SLC25A48: variants seen among roughly 807,000 people sequenced by gnomAD.
The protein encoded by SLC25A48 is CTC-321K16.1.
Under a neutral mutation model 32.2 loss-of-function variants are expected in SLC25A48, and 29 were observed. That is an observed-to-expected ratio of 0.90 (90% confidence interval 0.67 to 1.23). The LOEUF is 1.23. Ranked by LOEUF, SLC25A48 falls within the 50% of genes most tolerant of loss-of-function variation. SLC25A48 has a pLI of 0.00. For missense variants in SLC25A48, 399 were observed against 422.7 expected (o/e 0.94, Z 0.49); for synonymous variants, 164 against 172.3 (o/e 0.95, Z 0.38).
chr5:135,791,057 CTT>C (rs1393610150), intron 3 of SLC25A48, among the ~76,000 whole-genome samples: 1 of 150,042 alleles, frequency 6.7e-6, no homozygotes, highest in Admixed American at 6.7e-5. Context: ...CTGTGATACT[CTT>C]TGTAATATTT....
chr5:135,771,762 A>C (rs1405724914), intron 3 of SLC25A48, among the ~76,000 whole-genome samples: 2 of 151,212 alleles, frequency 1.3e-5, no homozygotes, highest in Non-Finnish European at 3.0e-5. Context: ...TATTACTTCC[A>C]ATACGGCAGT....
chr5:135,692,313 C>T (rs573849893), intron 3 of SLC25A48, among the ~76,000 whole-genome samples: 2 of 90,642 alleles, frequency 2.2e-5, no homozygotes, highest in African/African-American at 4.3e-5. Flanking sequence ...AGCAAGACCC[C>T]GTCTCAAAAA....
chr5:135,582,833 G>T (rs3763143), intron 1 of SLC25A48, among the ~76,000 whole-genome samples: 12,713 of 152,204 alleles, frequency 0.084, 536 homozygotes, highest in South Asian at 0.15. Flanking sequence ...TCCTCAGTGA[G>T]CCTGGGCTCC....
At chr5:135,764,701 A>G (rs1366933362) in intron 3 of SLC25A48, among the ~76,000 whole-genome samples, 4 of 141,778 alleles carry the variant, frequency 2.8e-5, no homozygotes, top group African/African-American at 1.1e-4. Flanking sequence ...ACAATTCATA[A>G]TATCTGGGGG....
At chr5:135,840,288 G>A (rs1346523518) in intron 1 of SLC25A48, among the ~76,000 whole-genome samples, 1 of 152,194 alleles carries the variant, frequency 6.6e-6, no homozygotes, top group Non-Finnish European at 1.5e-5. Context: ...CATGGAAGCA[G>A]GAGGTAGGTG....
chr5:135,661,134 C>T (rs954930955), intron 3 of SLC25A48, among the ~76,000 whole-genome samples: 2 of 152,176 alleles, frequency 1.3e-5, no homozygotes, highest in Admixed American at 1.3e-4. Flanking sequence ...AGTGCTGCTT[C>T]CTACAGGAAG....
chr5:135,862,798 C>A (rs1244243951), intron 4 of SLC25A48, among the ~76,000 whole-genome samples: 1 of 152,012 alleles, frequency 6.6e-6, no homozygotes, highest in Non-Finnish European at 1.5e-5. Flanking sequence ...GACAAGGGAG[C>A]CTTTGGTTAG....
At chr5:135,693,101 T>G (rs1754182967) in intron 3 of SLC25A48, among the ~76,000 whole-genome samples, 1 of 152,244 alleles carries the variant, frequency 6.6e-6, no homozygotes, top group Admixed American at 6.5e-5. Context: ...TGTTTGATTC[T>G]ATTTGTGAGT....
intron 1 of SLC25A48, among the ~76,000 whole-genome samples, chr5:135,584,460 C>T (rs892402099): frequency 6.6e-6 from 1 of 152,214 alleles, no homozygotes; most frequent in Non-Finnish European, 1.5e-5. Flanking sequence ...TTTGGTCCCA[C>T]TCAATGAGGA....
chr5:135,851,741 T>A (rs1335576793), intron 3 of SLC25A48, among the ~76,000 whole-genome samples: 1 of 152,156 alleles, frequency 6.6e-6, no homozygotes, highest in Non-Finnish European at 1.5e-5. Flanking sequence ...CACATTTGAT[T>A]TGGCACGCGT....
At chr5:135,854,914 A>G (rs1760178801) in intron 4 of SLC25A48, among the ~76,000 whole-genome samples, 1 of 152,198 alleles carries the variant, frequency 6.6e-6, no homozygotes, top group Admixed American at 6.5e-5. Flanking sequence ...TTTGACTTGA[A>G]CACTTAGAGG....
chr5:135,773,755 A>C (rs12153069), intron 3 of SLC25A48, among the ~76,000 whole-genome samples: 45,830 of 150,132 alleles, frequency 0.31, 7,102 homozygotes, highest in East Asian at 0.47. Flanking sequence ...TTTCTAATAT[A>C]CATGAAGGGA....
upstream of SLC25A48, among the ~76,000 whole-genome samples, chr5:135,829,797 C>T (rs1234781572): frequency 6.6e-6 from 1 of 151,992 alleles, no homozygotes; most frequent in East Asian, 1.9e-4. Context: ...AGTCAAACAG[C>T]AGGTGTGACT....
chr5:135,782,152 C>T lies in SLC25A48; in HGVS notation c.-520-30371C>T, dbSNP rs139213176. Among the ~76,000 whole-genome samples the T allele has an allele frequency of 1.1e-4, 13 of 116,046 alleles. 4 individuals carry two copies. The highest frequency in any genetic ancestry group is 2.8e-4 in the Non-Finnish European group (13 of 46,920). The allele number at this position is 116,046 out of a possible 152,430, so 76.1% of individuals were successfully genotyped here. A position where few individuals can be genotyped will look rare whatever the true frequency, so the allele number is the denominator to read the frequency against. On this transcript the variant is annotated intron_variant, in intron 3 of 10. Transcript: ENST00000646290. ...TCCCCTGTGATATTGTTCCTAATAT[C>T]AAGGAGGGGAGACGATATTATTCCC...
At chr5:135,845,885 T>C (rs961501335) in intron 2 of SLC25A48, among the ~76,000 whole-genome samples, 7 of 152,152 alleles carry the variant, frequency 4.6e-5, no homozygotes, top group African/African-American at 1.7e-4. Flanking sequence ...TGGTCTTAGG[T>C]TGAGGAGGCC....
At chr5:135,887,493 T>C (rs1762776250) in intron 7 of SLC25A48, among the ~76,000 whole-genome samples, 2 of 152,080 alleles carry the variant, frequency 1.3e-5, no homozygotes, top group Non-Finnish European at 2.9e-5. Flanking sequence ...CACACACATA[T>C]ATATGTGTGT....
At chr5:135,873,798 T>A (rs1761848601) in intron 5 of SLC25A48, among the ~76,000 whole-genome samples, 1 of 152,296 alleles carries the variant, frequency 6.6e-6, no homozygotes, top group East Asian at 1.9e-4. Flanking sequence ...GCCATCCCAT[T>A]TTACAGATGA....
At chr5:135,715,354 TG>T (rs1400673592) in intron 3 of SLC25A48, among the ~76,000 whole-genome samples, 2 of 152,208 alleles carry the variant, frequency 1.3e-5, no homozygotes, top group Non-Finnish European at 2.9e-5. Flanking sequence ...TTCAGGTTTC[TG>T]GGGTTTGACC....
intron 4 of SLC25A48, among the ~76,000 whole-genome samples, chr5:135,871,079 ACACACACAC>A: frequency 8.3e-6 from 1 of 120,850 alleles, no homozygotes; most frequent in Admixed American, 7.6e-5. Flanking sequence ...ACACACACAC[ACACACACAC>A]ACACACACAC....
Sources: gnomAD v4.1 joint callset for allele counts (sites outside exome capture counted in the v4.1 genomes callset) on GRCh38, gnomAD v4.1.1 for gene constraint, MANE v1.5 for transcripts, NCBI Gene and HGNC (gene_info 2026-07-23, HGNC 2026-07-21) for gene names.